SLC8A3: variants seen among roughly 807,000 people sequenced by gnomAD.
SLC8A3 encodes the protein solute carrier family 8 member A3, also known as sodium/calcium exchanger 3.
Under a neutral mutation model 65.4 loss-of-function variants are expected in SLC8A3, and 37 were observed. The observed-to-expected ratio is 0.57, with a 90% CI of 0.44 to 0.74. The LOEUF is 0.74. Among genes scored for constraint, SLC8A3 ranks in the 30% least tolerant of loss-of-function variants. The pLI, the probability that SLC8A3 is intolerant of heterozygous loss-of-function variation, is 0.00. For missense variants in SLC8A3, 1,112 were observed against 1,172.1 expected (o/e 0.95, Z 0.75); for synonymous variants, 461 against 444.5 (o/e 1.04, Z -0.47).
intron 2 of SLC8A3, among the ~76,000 whole-genome samples, chr14:70,119,850 T>C (rs1214162869): frequency 1.3e-5 from 2 of 152,236 alleles, no homozygotes; most frequent in Non-Finnish European, 2.9e-5. Flanking sequence ...TAATTGCTAG[T>C]TACATGTGTT....
In SLC8A3 at chr14:70,048,842, G is replaced by T. The variant is rs988268564; in HGVS notation, c.2314C>A (p.His772Asn). The T allele has an allele frequency of 6.2e-7, 1 of 1,614,024 alleles. No individual in the cohort carries two copies. The highest frequency in any genetic ancestry group is 8.5e-7 in the Non-Finnish European group (1 of 1,180,024). Reference protein sequence around the residue: ...LTAIIGDLASHFGCTIGLKDS... With the variant: ...LTAIIGDLASNFGCTIGLKDS... Reference sequence around the variant, plus strand: ...TTGAGACCAATGGTGCAGCCGAAGTGCGAGGCCAGGTCCCCAATGATGGCG... The same window carrying T: ...TTGAGACCAATGGTGCAGCCGAAGTTCGAGGCCAGGTCCCCAATGATGGCG... The change falls in exon 6 of 7, where the codon CAC (histidine) becomes AAC (asparagine). Residue 772 changes from histidine to asparagine, a missense_variant. Transcript: ENST00000356921.
At chr14:70,141,744 A>C (rs146293331) in intron 2 of SLC8A3, among the ~76,000 whole-genome samples, 1 of 152,242 alleles carries the variant, frequency 6.6e-6, no homozygotes, top group South Asian at 2.1e-4. Context: ...GTTTTAATGA[A>C]TATCAGGAAT....
chr14:70,131,965 A>C (rs1229989208), intron 2 of SLC8A3, among the ~76,000 whole-genome samples: 1 of 152,234 alleles, frequency 6.6e-6, no homozygotes, highest in African/African-American at 2.4e-5. Flanking sequence ...AAGTGAATAC[A>C]TTTCCATCTG....
chr14:70,056,753 A>G (rs1161085093), intron 3 of SLC8A3, among the ~76,000 whole-genome samples: 1 of 152,248 alleles, frequency 6.6e-6, no homozygotes, highest in Non-Finnish European at 1.5e-5. Context: ...CAACAGCTAT[A>G]CATAGATGAG....
At chr14:70,172,166 C>T (rs529710761) in intron 1 of SLC8A3, among the ~76,000 whole-genome samples, 1 of 152,140 alleles carries the variant, frequency 6.6e-6, no homozygotes, top group African/African-American at 2.4e-5. Context: ...CACCCAGGAC[C>T]ACCCCAAATC....
At chr14:70,056,354 C>G (rs182014467) in intron 3 of SLC8A3, among the ~76,000 whole-genome samples, 68 of 152,288 alleles carry the variant, frequency 4.5e-4, no homozygotes, top group African/African-American at 1.6e-3. Context: ...AACGACTTAG[C>G]TGAACTCATG....
chr14:70,074,814 T>A (rs1890329864), intron 2 of SLC8A3, among the ~76,000 whole-genome samples: 1 of 150,820 alleles, frequency 6.6e-6, no homozygotes, highest in Non-Finnish European at 1.5e-5. Context: ...AAACAAAATA[T>A]CAAAATGTTA....
intron 2 of SLC8A3, among the ~76,000 whole-genome samples, chr14:70,117,392 T>C (rs1386933139): frequency 1.3e-5 from 2 of 152,206 alleles, no homozygotes; most frequent in East Asian, 3.8e-4. Flanking sequence ...GTGTTCCACC[T>C]TCTGTGCCCA....
At chr14:70,054,364 C>T (rs1022176593) in intron 3 of SLC8A3, among the ~76,000 whole-genome samples, 50 of 152,202 alleles carry the variant, frequency 3.3e-4, no homozygotes, top group African/African-American at 9.9e-4. Context: ...GGCTAATCAG[C>T]GCTCCTAAAT....
At chr14:70,170,314 A>C (rs540679977) in intron 1 of SLC8A3, among the ~76,000 whole-genome samples, 120 of 152,318 alleles carry the variant, frequency 7.9e-4, no homozygotes, top group African/African-American at 2.7e-3. Context: ...CTCTTGGATT[A>C]TACCAAGTGA....
rs563359566 is a variant in SLC8A3 at position 70,110,960 on chromosome 14, G to A, written c.1785-50021C>T. On this transcript the variant is annotated intron_variant, in intron 2 of 6. Transcript: ENST00000356921. The stretch of plus-strand genomic sequence containing the variant: ...CTCCCAAAGTGCTGGGATTACAGGC[G>A]TGAGCCACCGCGCCCGGCTGCAGAT... Among the ~76,000 whole-genome samples the A allele has an allele frequency of 8.5e-5, 13 of 152,284 alleles. No individual in the cohort carries two copies. In the East Asian group the frequency reaches 1.2e-3, roughly 14 times the overall value.
At chr14:70,091,805 T>C (rs916316599) in intron 2 of SLC8A3, among the ~76,000 whole-genome samples, 1 of 152,238 alleles carries the variant, frequency 6.6e-6, no homozygotes, top group African/African-American at 2.4e-5. Context: ...ATAACTACAA[T>C]TACAAACTGG....
At chr14:70,086,658 C>A (rs897432323) in intron 2 of SLC8A3, among the ~76,000 whole-genome samples, 1 of 152,026 alleles carries the variant, frequency 6.6e-6, no homozygotes, top group African/African-American at 2.4e-5. Context: ...CCCCCCTCAG[C>A]CTCCCAAAGT....
chr14:70,169,595 C>A (rs368493876), intron 1 of SLC8A3, among the ~76,000 whole-genome samples: 55 of 143,822 alleles, frequency 3.8e-4, no homozygotes, highest in African/African-American at 1.3e-3. Flanking sequence ...GGATGAAATG[C>A]AATTGAAACT....
chr14:70,169,887 T>C (rs1264207147), intron 1 of SLC8A3, among the ~76,000 whole-genome samples: 2 of 152,144 alleles, frequency 1.3e-5, no homozygotes, highest in Non-Finnish European at 2.9e-5. Flanking sequence ...AGAAAGCAGA[T>C]GTTAGTCTGA....
rs1886566794 is a variant in SLC8A3, at chr14:70,044,752, G to C, written c.*1195C>G. ...ACCAGGAGAGGTGAAGGGAGCCCCT[G>C]GTTCTCTTATAAAATCTCTAAGTTT... On this transcript the variant is annotated 3_prime_UTR_variant, in exon 7 of 7. Transcript: ENST00000356921. 6.6e-6 allele frequency: 1 copy of C among 152,126 alleles called. No individual in the cohort carries two copies. Among genetic ancestry groups the C allele is most frequent in the African/African-American group, 2.4e-5 (1 of 41,410 alleles). 9.4% of individuals were successfully genotyped at this position (152,126 alleles called of 1,614,324 possible). A position where few individuals can be genotyped will look rare whatever the true frequency, so the allele number is the denominator to read the frequency against.
At chr14:70,157,846 A>G (rs142040875) in intron 2 of SLC8A3, among the ~76,000 whole-genome samples, 2 of 152,330 alleles carry the variant, frequency 1.3e-5, no homozygotes, top group Non-Finnish European at 2.9e-5. Context: ...CCTGGGAGAT[A>G]TCAGTCTTCC....
intron 2 of SLC8A3, among the ~76,000 whole-genome samples, chr14:70,162,241 G>T (rs566213040): frequency 3.9e-5 from 6 of 152,208 alleles, no homozygotes; most frequent in Non-Finnish European, 7.3e-5. Context: ...AGAAGCCTAA[G>T]ATGGGAAAGG....
At chr14:70,143,786 C>A (rs1015974770) in intron 2 of SLC8A3, among the ~76,000 whole-genome samples, 1 of 152,130 alleles carries the variant, frequency 6.6e-6, no homozygotes, top group Non-Finnish European at 1.5e-5. Context: ...GAATCCCATA[C>A]CCCTCTCTTC....
Sources: allele counts gnomAD v4.1 joint callset (sites outside exome capture counted in the v4.1 genomes callset), GRCh38; gene constraint gnomAD v4.1.1; transcripts MANE v1.5; gene names NCBI Gene and HGNC (gene_info 2026-07-23, HGNC 2026-07-21).